The following ATP10B variants were observed in gnomAD, a reference collection of about 807,000 sequenced individuals.
ATP10B encodes the protein phospholipid-transporting ATPase VB.
ATP10B carries 122 observed loss-of-function variants against 141.2 expected under a neutral mutation model. That is an observed-to-expected ratio of 0.86 (90% confidence interval 0.75 to 1.00). The LOEUF (loss-of-function observed/expected upper bound fraction) is 1.00. Ranked by LOEUF, ATP10B falls within the 50% of genes least tolerant of loss-of-function variation. The probability of loss-of-function intolerance (pLI) is 0.00; values close to 1 mark genes in which losing one functional copy is unlikely to be tolerated. For missense variants in ATP10B, 1,876 were observed against 1,825.3 expected, an observed-to-expected ratio of 1.03 and a Z score of -0.51; for synonymous variants, 685 against 692.0, an observed-to-expected ratio of 0.99 and a Z score of 0.16.
Position 160,636,379 on chromosome 5 carries a change from C to T in ATP10B, c.1001-70G>A. On this transcript the variant is annotated intron_variant, in intron 10 of 25. Coordinates refer to ENST00000327245, the MANE Select transcript of ATP10B (RefSeq NM_025153.3). ...TCCTAAAGTTGGTCAATTATACCAG[C>T]CCTTGACACATTCCTAGAAATGGGT... 2.0e-6 allele frequency: 3 copies of T among 1,505,394 alleles called. No homozygotes were observed. The South Asian group carries it at 3.9e-5, about 19-fold the overall frequency. 93.3% of individuals were successfully genotyped at this position (1,505,394 alleles called of 1,614,324 possible). A position where few individuals can be genotyped will look rare whatever the true frequency, so the allele number is the denominator to read the frequency against.
chr5:160,685,211 CCTTTTT>C lies in ATP10B; in HGVS notation c.470+862_470+867del, dbSNP rs757688456. 164 of 600,198 alleles carry C rather than the reference CCTTTTT, an allele frequency of 2.7e-4. No homozygotes were observed. The African/African-American group carries it at 2.9e-3, about 10-fold the overall frequency. 37.2% of individuals were successfully genotyped at this position (600,198 alleles called of 1,614,324 possible). On this transcript the variant is annotated intron_variant, in intron 6 of 25. Transcript: ENST00000327245. ...TTTCTTTTCCACCTTTTCCTCCCTT[CCTTTTT>C]CATCTCTGCTCAATGTTGTCTTTTT...
intron 7 of ATP10B, among the ~76,000 whole-genome samples, chr5:160,652,885 A>G (rs1454784109): frequency 0.017 from 1,479 of 85,444 alleles, 74 homozygotes; most frequent in Non-Finnish European, 0.021. Flanking sequence ...TAATATATAT[A>G]TAATTATATA....
At chr5:160,709,683 T>C (rs1765242096) in intron 3 of ATP10B, among the ~76,000 whole-genome samples, 1 of 139,590 alleles carries the variant, frequency 7.2e-6, no homozygotes, top group Admixed American at 7.2e-5. Flanking sequence ...TATGTATACA[T>C]GTGCCATGCT....
Position 160,775,128 on chromosome 5 carries a change from C to T in ATP10B, c.-331+10431G>A, listed in dbSNP as rs533089857. Among the ~76,000 whole-genome samples, 3 of 152,286 alleles carry T rather than the reference C, an allele frequency of 2.0e-5. No homozygotes were observed. The South Asian group carries it at 6.2e-4, about 32-fold the overall frequency. On this transcript the variant is annotated intron_variant, in intron 2 of 25. Coordinates refer to ENST00000327245, the MANE Select transcript of ATP10B (RefSeq NM_025153.3). ...TAGCAGTTCTGCAGAAGTCACTAGC[C>T]GTGGCCGTGTTTATCAGTCAGACCC...
chr5:160,836,391 CTGAAT>C (rs764368157), intron 1 of ATP10B, among the ~76,000 whole-genome samples: 14 of 152,022 alleles, frequency 9.2e-5, no homozygotes, highest in South Asian at 4.1e-4. Context: ...CTAGTGCTGA[CTGAAT>C]TATTTGTGTA....
intron 1 of ATP10B, among the ~76,000 whole-genome samples, chr5:160,815,705 A>G (rs1436464600): frequency 1.3e-5 from 2 of 152,204 alleles, no homozygotes; most frequent in African/African-American, 4.8e-5. Flanking sequence ...AATCAACAGA[A>G]TATATTCTTT....
In ATP10B at chr5:160,821,385, A is replaced by G. The variant is rs542949133; in HGVS notation, c.-576+30556T>C. On this transcript the variant is annotated intron_variant, in intron 1 of 25. Transcript: ENST00000327245. ...TAAATAAGATACAAAAAAAGCAAAG[A>G]TATTCCATGTTCATGAATTGGAAGA... is the stretch of plus-strand genomic sequence containing the variant. Among the ~76,000 whole-genome samples the G allele has an allele frequency of 1.9e-4, 29 of 152,130 alleles. 1 individual carries two copies. The highest frequency in any genetic ancestry group is 5.2e-4 in the Admixed American group (8 of 15,268).
chr5:160,720,603 C>T lies in ATP10B; in HGVS notation c.-330-3569G>A, dbSNP rs186986982. On this transcript the variant is annotated intron_variant, in intron 2 of 25. Coordinates refer to ENST00000327245, the MANE Select transcript of ATP10B (RefSeq NM_025153.3). Reference sequence around the variant, plus strand: ...GTTGTGTGATATAAAATATTCTTTGCGATGACTATCTTCTTATTTCAACAA... The same window carrying T: ...GTTGTGTGATATAAAATATTCTTTGTGATGACTATCTTCTTATTTCAACAA... 2.0e-4 allele frequency among the ~76,000 whole-genome samples: 30 copies of T among 152,294 alleles called. 1 individual carries two copies. The East Asian group carries it at 5.6e-3, about 28-fold the overall frequency.
chr5:160,718,586 A>G (rs1017667802), intron 2 of ATP10B, among the ~76,000 whole-genome samples: 40 of 152,206 alleles, frequency 2.6e-4, no homozygotes, highest in Non-Finnish European at 4.9e-4. Flanking sequence ...GCATGCTAAC[A>G]TGGTGAAGAA....
chr5:160,568,650 C>T (rs1162933316), intron 25 of ATP10B, among the ~76,000 whole-genome samples: 4 of 152,064 alleles, frequency 2.6e-5, no homozygotes, highest in Non-Finnish European at 5.9e-5. Context: ...TGTGGTAGGC[C>T]TGTGAACACA....
chr5:160,603,639 C>T, intron 20 of ATP10B: 1 of 313,576 alleles, frequency 3.2e-6, no homozygotes, highest in Non-Finnish European at 6.2e-6. Flanking sequence ...TCTCTATCCT[C>T]ATCAACAAAT....
chr5:160,830,316 C>T (rs1295988305), intron 1 of ATP10B, among the ~76,000 whole-genome samples: 1 of 152,168 alleles, frequency 6.6e-6, no homozygotes, highest in East Asian at 1.9e-4. Context: ...CAAATGCACT[C>T]GAGCAATTCA....
At chr5:160,694,845 TA>T (rs1268488355) in intron 3 of ATP10B, among the ~76,000 whole-genome samples, 1 of 152,162 alleles carries the variant, frequency 6.6e-6, no homozygotes, top group African/African-American at 2.4e-5. Context: ...TAGAAATAAA[TA>T]TATATTCACC....
chr5:160,873,107 T>A, the ATP10B span, among the ~76,000 whole-genome samples: 1 of 109,340 alleles, frequency 9.1e-6, no homozygotes, highest in Non-Finnish European at 1.9e-5. Context: ...TTAGGTATAT[T>A]CCTAAGGTTT....
At chr5:160,584,853 T>C (rs764673974) in intron 24 of ATP10B, among the ~76,000 whole-genome samples, 19 of 152,334 alleles carry the variant, frequency 1.2e-4, no homozygotes, top group Admixed American at 4.6e-4. Flanking sequence ...TTTCTAGTTT[T>C]ATTTTCTCCT....
chr5:160,900,404 G>A, the ATP10B span, among the ~76,000 whole-genome samples: 53 of 152,246 alleles, frequency 3.5e-4, no homozygotes, highest in East Asian at 0.01. Flanking sequence ...TTATAGATGA[G>A]CAAAACGATG....
rs544811668 is a variant in ATP10B, at chr5:160,840,892, A to G, written c.-576+11049T>C. On this transcript the variant is annotated intron_variant, in intron 1 of 25. Coordinates refer to ENST00000327245, the MANE Select transcript of ATP10B (RefSeq NM_025153.3). ...TTAAGATAAATGCAAGTTAAAATTC[A>G]CTGAGATACTATTTCTCACTTAGAT... Among the ~76,000 whole-genome samples, 11 of 152,290 alleles carry G rather than the reference A, an allele frequency of 7.2e-5. No individual in the cohort carries two copies. The South Asian group carries it at 1.7e-3, about 23-fold the overall frequency.
At chr5:160,703,860 AC>A (rs1358180089) in intron 3 of ATP10B, among the ~76,000 whole-genome samples, 2 of 152,232 alleles carry the variant, frequency 1.3e-5, no homozygotes, top group Non-Finnish European at 2.9e-5. Flanking sequence ...AGTTGAGATT[AC>A]GCCTTCATCC....
the ATP10B span, among the ~76,000 whole-genome samples, chr5:160,887,895 G>A: frequency 6.6e-6 from 1 of 152,166 alleles, no homozygotes; most frequent in Non-Finnish European, 1.5e-5. Context: ...TTTTTCCTAA[G>A]AGGCCCTTAT....
Sources: gnomAD v4.1 joint callset for allele counts (sites outside exome capture counted in the v4.1 genomes callset) on GRCh38, gnomAD v4.1.1 for gene constraint, MANE v1.5 for transcripts, NCBI Gene and HGNC (gene_info 2026-07-23, HGNC 2026-07-21) for gene names.